ORC5: variants seen among roughly 807,000 people sequenced by gnomAD.
ORC5 encodes the protein protein phosphatase 1, regulatory subunit 117.
ORC5 carries 39 observed loss-of-function variants against 58.8 expected under a neutral mutation model. The observed-to-expected ratio is 0.66, with a 90% CI of 0.51 to 0.87. The LOEUF is 0.87. ORC5 is among the 40% of genes least tolerant of loss of function. The probability of loss-of-function intolerance (pLI) is 0.00; values close to 1 mark genes in which losing one functional copy is unlikely to be tolerated. For synonymous variants in ORC5, 218 were observed against 177.6 expected, an observed-to-expected ratio of 1.23 and a Z score of -1.81; for missense variants, 493 against 506.3, an observed-to-expected ratio of 0.97 and a Z score of 0.25.
intron 11 of ORC5, among the ~76,000 whole-genome samples, chr7:104,164,500 G>A (rs568341488): frequency 4.6e-5 from 7 of 152,284 alleles, no homozygotes; most frequent in East Asian, 3.9e-4. Context: ...AAACATCATC[G>A]TAGGCTTTGG....
intron 12 of ORC5, among the ~76,000 whole-genome samples, chr7:104,146,369 C>G (rs1214997170): frequency 6.6e-6 from 1 of 151,972 alleles, no homozygotes; most frequent in Non-Finnish European, 1.5e-5. Context: ...ATGTTCCTAA[C>G]AGCTTTAATT....
intron 6 of ORC5, 185 bp from the exon 7 acceptor site, chr7:104,184,356 G>T (rs752767191): frequency 1.3e-4 from 72 of 571,210 alleles, no homozygotes; most frequent in Non-Finnish European, 1.9e-4. Context: ...GCTGAGGCAG[G>T]GGGATTGCTT....
At position 104,184,190 on chromosome 7, in the gene ORC5, A is replaced by C. The variant is rs755236544; in HGVS notation, c.685-19T>G. ...GTACTGCCTGTAAGTAAAGAAAAAA[A>C]AAGAGAAGAAAAAAAGCACTGATCG... On this transcript the variant is annotated intron_variant, in intron 6 of 13. Transcript: ENST00000297431. 30 of 1,452,180 alleles carry C rather than the reference A, an allele frequency of 2.1e-5. No homozygotes were observed. Among genetic ancestry groups the C allele is most frequent in the Non-Finnish European group, 2.6e-5 (28 of 1,064,366 alleles). 90.0% of individuals were successfully genotyped at this position (1,452,180 alleles called of 1,614,324 possible).
At chr7:104,179,124 T>C (rs1037163420) in intron 8 of ORC5, among the ~76,000 whole-genome samples, 2 of 151,392 alleles carry the variant, frequency 1.3e-5, no homozygotes, top group African/African-American at 2.4e-5. Flanking sequence ...TTTTTTTTTT[T>C]TTTTTTAAGA....
rs1308646306 is a variant in ORC5 at position 104,207,908 on chromosome 7, G to A, written c.-4C>T. 1 of 1,613,996 alleles carries A rather than the reference G, an allele frequency of 6.2e-7. No individual in the cohort carries two copies. Among genetic ancestry groups the A allele is most frequent in the Non-Finnish European group, 8.5e-7 (1 of 1,179,926 alleles). Reference sequence around the variant, plus strand: ...CCACGTTTTCCAAGTGGGGCATTCTGGCAGGCACCACCGCAGAGGCCAGTG... The same window carrying A: ...CCACGTTTTCCAAGTGGGGCATTCTAGCAGGCACCACCGCAGAGGCCAGTG... On this transcript the variant is annotated 5_prime_UTR_variant, in exon 1 of 14. Coordinates refer to ENST00000297431, the MANE Select transcript of ORC5 (RefSeq NM_002553.4).
chr7:104,183,876 A>C (rs1192762552), intron 8 of ORC5, 67 bp downstream of exon 8: 6 of 1,026,850 alleles, frequency 5.8e-6, no homozygotes, highest in Non-Finnish European at 8.8e-6. Flanking sequence ...TCTGTTATTT[A>C]AGTTGAGAGA....
chr7:104,140,713 T>A (rs1265232395), intron 12 of ORC5, among the ~76,000 whole-genome samples: 2 of 152,310 alleles, frequency 1.3e-5, no homozygotes, highest in Non-Finnish European at 2.9e-5. Flanking sequence ...ATTCCAAGAA[T>A]GTCTCCAGCT....
At position 104,188,391 on chromosome 7, in the gene ORC5, G is replaced by C. The variant is rs765213812; in HGVS notation, c.554-10C>G. On this transcript the variant is annotated splice_polypyrimidine_tract_variant and intron_variant, in intron 5 of 13. Transcript: ENST00000297431. ...ATCTTTTGAAGGTTGCCTGTTCACA[G>C]GACACAAAATAACTTATAATGATTA... 7 of 1,601,720 alleles carry C rather than the reference G, an allele frequency of 4.4e-6. No individual in the cohort carries two copies. In the South Asian group the frequency reaches 7.8e-5, roughly 18 times the overall value.
At chr7:104,190,899 G>C (rs566891506) in intron 5 of ORC5, among the ~76,000 whole-genome samples, 1 of 151,674 alleles carries the variant, frequency 6.6e-6, no homozygotes, top group Admixed American at 6.6e-5. Flanking sequence ...CCACTCTTGT[G>C]CCTGCCAATC....
At chr7:104,175,802 CAAT>C (rs1208679285) in intron 8 of ORC5, among the ~76,000 whole-genome samples, 1 of 152,218 alleles carries the variant, frequency 6.6e-6, no homozygotes, top group African/African-American at 2.4e-5. Context: ...TCCTCATCCA[CAAT>C]GACTAGTCAA....
chr7:104,169,356 C>A (rs1267542501), intron 8 of ORC5, among the ~76,000 whole-genome samples: 2 of 151,982 alleles, frequency 1.3e-5, no homozygotes, highest in Non-Finnish European at 2.9e-5. Context: ...GACTTATTTG[C>A]AATTAAAACT....
chr7:104,159,899 A>G (rs193131314), intron 12 of ORC5, among the ~76,000 whole-genome samples: 2 of 152,234 alleles, frequency 1.3e-5, no homozygotes, highest in Non-Finnish European at 2.9e-5. Flanking sequence ...GTAGAAAGCT[A>G]TTAATAAAAG....
At chr7:104,178,391 G>A (rs1799365230) in intron 8 of ORC5, among the ~76,000 whole-genome samples, 1 of 152,080 alleles carries the variant, frequency 6.6e-6, no homozygotes, top group Non-Finnish European at 1.5e-5. Flanking sequence ...CATATCCTTT[G>A]CCCACTTTTT....
At chr7:104,174,717 G>T (rs1291185296) in intron 8 of ORC5, among the ~76,000 whole-genome samples, 1 of 152,220 alleles carries the variant, frequency 6.6e-6, no homozygotes, top group African/African-American at 2.4e-5. Flanking sequence ...TTTCCAATAA[G>T]ATCTCAGGAG....
chr7:104,144,993 C>T (rs1394427069), intron 12 of ORC5, among the ~76,000 whole-genome samples: 1 of 152,118 alleles, frequency 6.6e-6, no homozygotes. Flanking sequence ...AGAGGTGGGG[C>T]CGAGCCTTTC....
At chr7:104,147,306 T>C (rs973394931) in intron 12 of ORC5, among the ~76,000 whole-genome samples, 1 of 152,110 alleles carries the variant, frequency 6.6e-6, no homozygotes, top group Non-Finnish European at 1.5e-5. Flanking sequence ...GTAAAACTTA[T>C]TACTTCCTCT....
intron 8 of ORC5, among the ~76,000 whole-genome samples, chr7:104,179,600 TTCTGAAA>T (rs142264739): frequency 0.15 from 22,001 of 151,596 alleles, 1,805 homozygotes; most frequent in South Asian, 0.22. Context: ...TCACTTTGAA[TTCTGAAA>T]TCTGCTTCTT....
At chr7:104,169,160 T>G (rs1056778610) in intron 8 of ORC5, among the ~76,000 whole-genome samples, 3 of 152,202 alleles carry the variant, frequency 2.0e-5, no homozygotes, top group Non-Finnish European at 4.4e-5. Flanking sequence ...AGTTACCGTA[T>G]TAGATGCAAT....
At position 104,168,404 on chromosome 7, in the gene ORC5, T is replaced by C. The variant is rs774572139; in HGVS notation, c.877+69A>G. 4 of 1,571,136 alleles carry C rather than the reference T, an allele frequency of 2.5e-6. No homozygotes were observed. In the East Asian group the frequency reaches 9.1e-5, roughly 36 times the overall value. Reference sequence around the variant, plus strand: ...TTCCTGACTGAATGCTCTTTAGTATTAACTTTAGTATCTTGATAATTAGCT... The same window carrying C: ...TTCCTGACTGAATGCTCTTTAGTATCAACTTTAGTATCTTGATAATTAGCT... On this transcript the variant is annotated intron_variant, in intron 9 of 13. Coordinates refer to ENST00000297431, the MANE Select transcript of ORC5 (RefSeq NM_002553.4).
Sources: allele counts gnomAD v4.1 joint callset (sites outside exome capture counted in the v4.1 genomes callset), GRCh38; gene constraint gnomAD v4.1.1; transcripts MANE v1.5; gene names NCBI Gene and HGNC (gene_info 2026-07-23, HGNC 2026-07-21).